Variants in VIT observed in about 807,000 individuals in gnomAD.
VIT encodes the protein vitrin.
VIT carries 99 observed loss-of-function variants against 78.0 expected under a neutral mutation model. That is an observed-to-expected ratio of 1.27 (90% confidence interval 1.08 to 1.50). The LOEUF (loss-of-function observed/expected upper bound fraction) is 1.50. Ranked by LOEUF, VIT falls within the 40% of genes most tolerant of loss-of-function variation. The pLI is 0.00. For synonymous variants in VIT, 374 were observed against 334.3 expected (o/e 1.12, Z -1.29); for missense variants, 1,126 against 875.3 (o/e 1.29, Z -3.61).
At chr2:36,724,191 G>T (rs1243526722) in intron 2 of VIT, among the ~76,000 whole-genome samples, 3 of 151,984 alleles carry the variant, frequency 2.0e-5, no homozygotes, top group African/African-American at 7.2e-5. Context: ...GCTAATTTTT[G>T]TATTTTTAGT....
intron 3 of VIT, among the ~76,000 whole-genome samples, chr2:36,734,041 G>C (rs1667359927): frequency 6.6e-6 from 1 of 152,186 alleles, no homozygotes; most frequent in African/African-American, 2.4e-5. Flanking sequence ...TGTGGCTCCT[G>C]GACCGGCAGC....
At chr2:36,765,469 A>G (rs1669374910) in intron 6 of VIT, among the ~76,000 whole-genome samples, 2 of 150,446 alleles carry the variant, frequency 1.3e-5, no homozygotes, top group Admixed American at 6.6e-5. Context: ...TTATAAAACC[A>G]TCAGAGCTTG....
chr2:36,729,664 A>C (rs7581092), intron 3 of VIT, among the ~76,000 whole-genome samples, 173 bp downstream of exon 3: 5 of 152,206 alleles, frequency 3.3e-5, no homozygotes, highest in African/African-American at 1.2e-4. Flanking sequence ...TCCAAAAAGT[A>C]TTTGAGATAG....
At chr2:36,760,545 G>A (rs1033094550) in intron 6 of VIT, among the ~76,000 whole-genome samples, 4 of 152,086 alleles carry the variant, frequency 2.6e-5, no homozygotes, top group Admixed American at 1.3e-4. Context: ...CTGAGATATC[G>A]CTTGTCCTCT....
In VIT at chr2:36,781,742, G is replaced by A. The variant is rs2148621136; in HGVS notation, c.818G>A (p.Trp273Ter). 6.2e-7 allele frequency: 1 copy of A among 1,614,126 alleles called. No homozygotes were observed. Among genetic ancestry groups the A allele is most frequent in the South Asian group, 1.1e-5 (1 of 91,074 alleles). ...TGAAAATCAGGAGAGATGGACTCAT[G>A]GAAACCTGGATCGGTCCTTTTAGAT... The part of the protein sequence containing the change: ...ADVSLGEMDS[W>*]KPGSVLLDEG... The change falls in exon 10 of 16, where the codon TGG becomes TAG. Residue 273 changes from tryptophan to a stop codon, truncating the protein, a stop_gained. Transcript: ENST00000379242. LOFTEE classifies it high-confidence loss of function.
chr2:36,739,721 C>T (rs1424766448), intron 3 of VIT, among the ~76,000 whole-genome samples: 1 of 152,084 alleles, frequency 6.6e-6, no homozygotes, highest in African/African-American at 2.4e-5. Flanking sequence ...GCAAGATTAT[C>T]TTAAGGAATC....
chr2:36,743,046 C>T, intron 3 of VIT, 54 bp from the exon 4 acceptor site: 4 of 1,603,170 alleles, frequency 2.5e-6, no homozygotes, highest in Non-Finnish European at 3.4e-6. Flanking sequence ...AGTGTCACCC[C>T]ACAGATAAAC....
chr2:36,806,678 C>T (rs887224545), intron 14 of VIT, among the ~76,000 whole-genome samples: 1 of 152,198 alleles, frequency 6.6e-6, no homozygotes, highest in Non-Finnish European at 1.5e-5. Flanking sequence ...TCCCAAATAG[C>T]TGGGACTACA....
intron 8 of VIT, 130 bp from the exon 9 acceptor site, chr2:36,774,872 C>T: frequency 1.3e-6 from 2 of 1,486,180 alleles, no homozygotes; most frequent in Non-Finnish European, 9.0e-7. Flanking sequence ...GAAGTACAAC[C>T]AGGCACAGAG....
intron 11 of VIT, among the ~76,000 whole-genome samples, chr2:36,783,815 A>C (rs1664919743): frequency 6.6e-6 from 1 of 152,172 alleles, no homozygotes; most frequent in Admixed American, 6.5e-5. Context: ...TGGAAGGTGG[A>C]GGTTCGAGAG....
chr2:36,752,496 C>A (rs910179232), intron 4 of VIT, among the ~76,000 whole-genome samples: 7 of 152,188 alleles, frequency 4.6e-5, no homozygotes, highest in African/African-American at 1.7e-4. Flanking sequence ...CTGAGGAATG[C>A]AAGGAAGTGG....
intron 1 of VIT, among the ~76,000 whole-genome samples, chr2:36,699,493 C>T (rs561846725): frequency 1.8e-4 from 27 of 147,012 alleles, no homozygotes; most frequent in African/African-American, 6.7e-4. Flanking sequence ...TAATTATATT[C>T]TTCACAAGAC....
intron 15 of VIT, among the ~76,000 whole-genome samples, chr2:36,809,506 C>T (rs1042779935): frequency 6.6e-6 from 1 of 152,200 alleles, no homozygotes; most frequent in Admixed American, 6.5e-5. Flanking sequence ...CAACCTCTGC[C>T]TCCCAGGTTG....
chr2:36,725,986 G>A (rs112155802), intron 2 of VIT, among the ~76,000 whole-genome samples: 13,096 of 151,498 alleles, frequency 0.086, 703 homozygotes, highest in East Asian at 0.13. Context: ...CAGGAGAATC[G>A]CTTGAACAGG....
At position 36,808,593 on chromosome 2, in the gene VIT, C is replaced by A; in HGVS notation, c.1511C>A (p.Thr504Asn). The change falls in exon 15 of 16, where the codon ACC becomes AAC. Residue 504 changes from threonine (T) to asparagine (N), a missense_variant. Coordinates refer to ENST00000379242, the MANE Select transcript of VIT (RefSeq NM_053276.4). ...CDTDRLACSK[T>N]CLNSADIGFV... ...ACTGACCGCCTGGCCTGCAGCAAGA[C>A]CTGCTTGAACTCGGCTGACATTGGC... 1 of 1,614,176 alleles carries A rather than the reference C, an allele frequency of 6.2e-7. No homozygotes were observed. The highest frequency in any genetic ancestry group is 1.3e-5 in the African/African-American group (1 of 75,052).
chr2:36,712,340 C>T (rs1232026914), intron 1 of VIT, among the ~76,000 whole-genome samples: 3 of 152,100 alleles, frequency 2.0e-5, no homozygotes, highest in Non-Finnish European at 4.4e-5. Flanking sequence ...GAGCAACTCC[C>T]GGAATCCCGT....
chr2:36,806,757 G>T (rs1340943628), intron 14 of VIT, among the ~76,000 whole-genome samples: 1 of 152,034 alleles, frequency 6.6e-6, no homozygotes, highest in Non-Finnish European at 1.5e-5. Context: ...TAGAGATGGG[G>T]TTTCACCATG....
rs780796512 is a variant in VIT at position 36,781,772 on chromosome 2, G to T, written c.847+1G>T. On this transcript the variant is annotated splice_donor_variant, in intron 10 of 15. Coordinates refer to ENST00000379242, the MANE Select transcript of VIT (RefSeq NM_053276.4). LOFTEE classifies it high-confidence loss of function. ...CCTGGATCGGTCCTTTTAGATGAAGGTAATTATACAGCCCAACCTCTCAGC... is the reference window on the plus strand; with the variant it reads ...CCTGGATCGGTCCTTTTAGATGAAGTTAATTATACAGCCCAACCTCTCAGC... The T allele has an allele frequency of 6.2e-7, 1 of 1,614,016 alleles. No individual in the cohort carries two copies. The highest frequency in any genetic ancestry group is 1.3e-5 in the African/African-American group (1 of 74,906).
chr2:36,706,535 A>G (rs911684257), intron 1 of VIT, among the ~76,000 whole-genome samples: 7 of 152,104 alleles, frequency 4.6e-5, no homozygotes, highest in Non-Finnish European at 1.0e-4. Flanking sequence ...TATTCTCTCC[A>G]TCTCTCTCTG....
Sources: gnomAD v4.1 joint callset for allele counts (sites outside exome capture counted in the v4.1 genomes callset) on GRCh38, gnomAD v4.1.1 for gene constraint, MANE v1.5 for transcripts, NCBI Gene and HGNC (gene_info 2026-07-23, HGNC 2026-07-21) for gene names.